Variants in PLEKHA2 observed in about 807,000 individuals in gnomAD.
PLEKHA2 encodes the protein pleckstrin homology domain containing A2.
PLEKHA2 carries 28 observed loss-of-function variants against 53.2 expected under a neutral mutation model. The ratio of observed to expected loss-of-function variants is 0.53; its 90% confidence interval spans 0.39 to 0.72. PLEKHA2 has a LOEUF of 0.72. PLEKHA2 is among the 30% of genes least tolerant of loss of function. The probability of loss-of-function intolerance (pLI) is 0.00; values close to 1 mark genes in which losing one functional copy is unlikely to be tolerated. For synonymous variants in PLEKHA2, 193 were observed against 196.4 expected, an observed-to-expected ratio of 0.98 and a Z score of 0.14; for missense variants, 426 against 537.9, an observed-to-expected ratio of 0.79 and a Z score of 2.06.
chr8:38,952,851 C>T (rs1445525792), intron 8 of PLEKHA2, 147 bp downstream of exon 8: 2 of 786,516 alleles, frequency 2.5e-6, no homozygotes, highest in South Asian at 1.6e-5. Flanking sequence ...TCTGTGCACA[C>T]ATCTTTACAG....
chr8:38,931,967 C>T (rs886745960), intron 2 of PLEKHA2, among the ~76,000 whole-genome samples: 24 of 152,044 alleles, frequency 1.6e-4, no homozygotes, highest in South Asian at 8.3e-4. Context: ...AGCTTGAGCG[C>T]GGGCTTTTTT....
intron 9 of PLEKHA2, 72 bp downstream of exon 9, chr8:38,953,439 T>G: frequency 7.3e-7 from 1 of 1,370,460 alleles, no homozygotes; most frequent in South Asian, 1.2e-5. Flanking sequence ...TTACTACCCT[T>G]CAGAGACTCT....
rs1834215647 is a variant in PLEKHA2, at chr8:38,922,789, A to G, written c.141+4719A>G. On this transcript the variant is annotated intron_variant, in intron 2 of 11. Transcript: ENST00000617275. The surrounding 1 kb of genome is among the most constrained non-coding windows in gnomAD (Gnocchi z 4.0). ...ACCAGCTATGGTGTGAAATGCTTTT[A>G]CATGTGTTACCCCATGGAACCTCTC... Among the ~76,000 whole-genome samples the G allele has an allele frequency of 6.6e-6, 1 of 152,154 alleles. No homozygotes were observed. The highest frequency in any genetic ancestry group is 6.5e-5 in the Admixed American group (1 of 15,280).
At chr8:38,916,816 G>C (rs1834070416) in intron 1 of PLEKHA2, among the ~76,000 whole-genome samples, 1 of 152,192 alleles carries the variant, frequency 6.6e-6, no homozygotes, top group African/African-American at 2.4e-5. Context: ...TCATATGGTA[G>C]ATCTATTTTT....
chr8:38,930,746 C>T (rs1834377727), intron 2 of PLEKHA2, among the ~76,000 whole-genome samples: 1 of 152,202 alleles, frequency 6.6e-6, no homozygotes, highest in African/African-American at 2.4e-5. Flanking sequence ...TCTCTGTTGG[C>T]TGCTGGTGCA....
intron 10 of PLEKHA2, among the ~76,000 whole-genome samples, chr8:38,968,366 A>G (rs1835179816): frequency 6.6e-6 from 1 of 152,176 alleles, no homozygotes; most frequent in African/African-American, 2.4e-5. Context: ...CCTGTGCCTC[A>G]TTTCAGAGCA....
At position 38,952,303 on chromosome 8, in the gene PLEKHA2, A is replaced by C; in HGVS notation, c.624A>C (p.Gln208His). Reference sequence around the variant, plus strand: ...TTAAGAGTGGTTACTGCGTGAAGCAAGGGAATGTGGTGAGTGTCAGCACAG... The same window carrying C: ...TTAAGAGTGGTTACTGCGTGAAGCACGGGAATGTGGTGAGTGTCAGCACAG... ...PLIKSGYCVK[Q>H]GNVRKSWKRR... Residue 208 changes from glutamine (Q) to histidine (H), a missense_variant, in exon 7 of 12, where the codon CAA (glutamine) becomes CAC (histidine). Gln to His is a conservative substitution (Grantham distance 24). Transcript: ENST00000617275. The C allele has an allele frequency of 6.2e-7, 1 of 1,612,708 alleles. No individual in the cohort carries two copies. Among genetic ancestry groups the C allele is most frequent in the Non-Finnish European group, 8.5e-7 (1 of 1,179,464 alleles).
intron 10 of PLEKHA2, among the ~76,000 whole-genome samples, chr8:38,967,818 C>T (rs1390922345): frequency 1.3e-5 from 2 of 151,960 alleles, no homozygotes; most frequent in African/African-American, 4.8e-5. Context: ...CACGCCACCA[C>T]TCCTGGCTAA....
chr8:38,953,711 C>CGGAG (rs1834887539), intron 9 of PLEKHA2, among the ~76,000 whole-genome samples: 1 of 152,204 alleles, frequency 6.6e-6, no homozygotes, highest in Non-Finnish European at 1.5e-5. Context: ...AACACAGGCT[C>CGGAG]AGAGGAGAGA....
At chr8:38,964,851 C>CT (rs1564159010) in intron 10 of PLEKHA2, among the ~76,000 whole-genome samples, 3 of 103,530 alleles carry the variant, frequency 2.9e-5, no homozygotes, top group African/African-American at 7.2e-5. Context: ...TTGTTACTTC[C>CT]CTTTTTTTTT....
At chr8:38,903,075 C>T (rs1040789186) in intron 1 of PLEKHA2, among the ~76,000 whole-genome samples, 7 of 152,248 alleles carry the variant, frequency 4.6e-5, no homozygotes, top group African/African-American at 1.4e-4. Context: ...TGAATGCAAA[C>T]ACATGAATTG....
At chr8:38,969,279 C>T in intron 11 of PLEKHA2, 142 bp from the exon 12 acceptor site, 1 of 974,944 alleles carries the variant, frequency 1.0e-6, no homozygotes, top group Admixed American at 2.9e-5. Flanking sequence ...ATCCTTTTGA[C>T]TGTATTTCAT....
chr8:38,918,407 A>C (rs1269500931), intron 2 of PLEKHA2, among the ~76,000 whole-genome samples: 1 of 149,536 alleles, frequency 6.7e-6, no homozygotes, highest in Non-Finnish European at 1.5e-5. Flanking sequence ...CACATACCAC[A>C]GACACATACA....
chr8:38,944,107 A>C (rs72638516), intron 4 of PLEKHA2, among the ~76,000 whole-genome samples: 9,326 of 152,222 alleles, frequency 0.061, 336 homozygotes, highest in East Asian at 0.14. Flanking sequence ...TAAGTTGACA[A>C]ATAATAATTA....
intron 7 of PLEKHA2, 127 bp from the exon 8 acceptor site, chr8:38,952,509 C>G: frequency 7.6e-7 from 1 of 1,315,562 alleles, no homozygotes; most frequent in Non-Finnish European, 1.1e-6. Context: ...TGAAGAAGCC[C>G]TTGCCCCTGC....
At chr8:38,905,972 C>G (rs1252800970) in intron 1 of PLEKHA2, among the ~76,000 whole-genome samples, 1 of 152,258 alleles carries the variant, frequency 6.6e-6, no homozygotes, top group African/African-American at 2.4e-5. Context: ...GCGTGAGCCA[C>G]TGTGCCCGGC....
chr8:38,902,059 C>CT (rs2152362374), intron 1 of PLEKHA2: 1 of 152,452 alleles, frequency 6.6e-6, no homozygotes, highest in South Asian at 2.1e-4. Context: ...AAGGACTGCC[C>CT]TAAAATGCAG....
In PLEKHA2 at chr8:38,970,988, A is replaced by T. The variant is rs552525006; in HGVS notation, c.*1205A>T. On this transcript the variant is annotated 3_prime_UTR_variant, in exon 12 of 12. Coordinates refer to ENST00000617275, the MANE Select transcript of PLEKHA2 (RefSeq NM_021623.2). ...TCTGTCTGTGACTTTTATCAGCTAG[A>T]TCAGTTAATTGTATTTTTAAATTAA... 2.6e-5 allele frequency: 4 copies of T among 152,340 alleles called. No individual in the cohort carries two copies. Among genetic ancestry groups the T allele is most frequent in the Admixed American group, 1.3e-4 (2 of 15,304 alleles). The allele number at this position is 152,340 out of a possible 1,614,324, so 9.4% of individuals were successfully genotyped here.
intron 2 of PLEKHA2, among the ~76,000 whole-genome samples, chr8:38,920,056 C>G (rs1834150799): frequency 6.6e-6 from 1 of 152,102 alleles, no homozygotes; most frequent in South Asian, 2.1e-4. Context: ...ACTGCAACCT[C>G]TGCCTCCTGG....
Sources: allele counts gnomAD v4.1 joint callset (sites outside exome capture counted in the v4.1 genomes callset), GRCh38; gene constraint gnomAD v4.1.1; non-coding constraint Gnocchi (gnomAD v3.1); transcripts MANE v1.5; gene names NCBI Gene and HGNC (gene_info 2026-07-23, HGNC 2026-07-21).